CLBA1: variants seen among roughly 807,000 people sequenced by gnomAD.
CLBA1 encodes clathrin binding box of aftiphilin containing 1, also known as uncharacterized protein CLBA1.
Under a neutral mutation model 28.8 loss-of-function variants are expected in CLBA1, and 30 were observed. The observed-to-expected ratio is 1.04, with a 90% confidence interval of 0.78 to 1.41. The LOEUF is 1.41. CLBA1 is among the 40% of genes most tolerant of loss of function. The pLI, the probability that CLBA1 is intolerant of heterozygous loss-of-function variation, is 0.00. For synonymous variants in CLBA1, 160 were observed against 152.8 expected, an observed-to-expected ratio of 1.05 and a Z score of -0.35; for missense variants, 451 against 412.3, an observed-to-expected ratio of 1.09 and a Z score of -0.81.
chr14:104,986,651 C>T lies in CLBA1; in HGVS notation c.220C>T (p.His74Tyr), dbSNP rs768010787. The change falls in exon 1 of 5, where the codon CAC (histidine) becomes TAC (tyrosine). Residue 74 changes from histidine to tyrosine, a missense_variant. Transcript: ENST00000547315. Reference sequence around the variant, plus strand: ...TGCCCGATGTCCTGACCCTGGGGAACACAGCAGCACTTGGGGGGAGTTTGA... The same window carrying T: ...TGCCCGATGTCCTGACCCTGGGGAATACAGCAGCACTTGGGGGGAGTTTGA... Reference protein sequence around the residue: ...CTARCPDPGEHSSTWGEFEGF... With the variant: ...CTARCPDPGEYSSTWGEFEGF... 4.3e-6 allele frequency: 7 copies of T among 1,614,150 alleles called. No homozygotes were observed. The highest frequency in any genetic ancestry group is 5.9e-6 in the Non-Finnish European group (7 of 1,180,024).
At chr14:104,989,915 G>A (rs866730007) in intron 2 of CLBA1, 16 of 350,256 alleles carry the variant, frequency 4.6e-5, no homozygotes, top group Non-Finnish European at 6.9e-5. Context: ...CTGGCCCACC[G>A]TGTCCTCTGC....
At chr14:104,994,396 A>C in intron 4 of CLBA1, 1 of 985,482 alleles carries the variant, frequency 1.0e-6, no homozygotes, top group Non-Finnish European at 1.2e-6. Flanking sequence ...CCAGAGCCAC[A>C]GACTGCACCA....
downstream of CLBA1, among the ~76,000 whole-genome samples, chr14:104,998,709 G>A (rs1566935165): frequency 2.0e-5 from 3 of 152,238 alleles, no homozygotes; most frequent in Admixed American, 6.5e-5. Context: ...AGGCTGAGAC[G>A]CAGGCCTTTC....
intron 2 of CLBA1, chr14:104,989,687 G>A (rs924848644): frequency 4.2e-5 from 19 of 456,038 alleles, no homozygotes; most frequent in African/African-American, 2.6e-4. Flanking sequence ...GGATTAGGCC[G>A]CAGTGGTTGA....
chr14:104,993,657 T>C (rs1900098253), intron 4 of CLBA1: 7 of 985,340 alleles, frequency 7.1e-6, no homozygotes, highest in Non-Finnish European at 8.4e-6. Context: ...AAGAAAAGCT[T>C]TTCTGGGCTG....
At chr14:104,989,742 A>G (rs914874550) in intron 2 of CLBA1, 11 of 453,338 alleles carry the variant, frequency 2.4e-5, no homozygotes, top group Non-Finnish European at 4.5e-5. Flanking sequence ...GGAGGAGGGA[A>G]GTGAAGGTTG....
chr14:104,989,247 C>T (rs1193296198), intron 2 of CLBA1, 159 bp downstream of exon 2: 2 of 674,414 alleles, frequency 3.0e-6, no homozygotes, highest in Non-Finnish European at 2.5e-6. Context: ...GAAGGGGCAG[C>T]ACGATTGGCG....
chr14:104,995,477 G>A lies in CLBA1; in HGVS notation c.*718G>A. 3 of 985,446 alleles carry A rather than the reference G, an allele frequency of 3.0e-6. No individual in the cohort carries two copies. The highest frequency in any genetic ancestry group is 2.4e-6 in the Non-Finnish European group (2 of 829,924). The allele number at this position is 985,446 out of a possible 1,614,324, so 61.0% of individuals were successfully genotyped here. A position where few individuals can be genotyped will look rare whatever the true frequency, so the allele number is the denominator to read the frequency against. On this transcript the variant is annotated 3_prime_UTR_variant, in exon 5 of 5. Transcript: ENST00000547315. ...AGGGCAGAGCCAAGAAGTCAGCCCT[G>A]ACTTTTGTAAAATTTTACTAAATAA...
At chr14:104,999,528 T>G (rs1372146733), downstream of CLBA1, 3 of 152,262 alleles carry the variant, frequency 2.0e-5, no homozygotes, top group African/African-American at 7.2e-5. Flanking sequence ...GTGGGGTGCA[T>G]CCAGCTGCAG....
intron 4 of CLBA1, 183 bp downstream of exon 4, chr14:104,993,247 G>T (rs917911686): frequency 2.0e-6 from 2 of 985,446 alleles, no homozygotes; most frequent in Non-Finnish European, 2.4e-6. Flanking sequence ...ACCACTGCAG[G>T]GTGCCAAGGA....
chr14:104,993,006 G>C lies in CLBA1; in HGVS notation c.758G>C (p.Gly253Ala), dbSNP rs781335167. 2 of 1,614,136 alleles carry C rather than the reference G, an allele frequency of 1.2e-6. No homozygotes were observed. Among genetic ancestry groups the C allele is most frequent in the Non-Finnish European group, 8.5e-7 (1 of 1,180,034 alleles). ...MEDCDLKEPE[G>A]LLTVSSFCLQ... ...GATTGTGACCTCAAAGAGCCTGAAG[G>C]ACTCCTCACTGTCAGCAGCTTCTGT... Residue 253 changes from glycine to alanine, a missense_variant, in exon 4 of 5, where the codon GGA becomes GCA. Transcript: ENST00000547315.
At chr14:104,992,461 T>C (rs1321298692) in intron 3 of CLBA1, among the ~76,000 whole-genome samples, 1 of 152,220 alleles carries the variant, frequency 6.6e-6, no homozygotes, top group Non-Finnish European at 1.5e-5. Flanking sequence ...TTGGCCCTGG[T>C]GAAGACAGGG....
chr14:104,987,606 CTTTTTTTTTTT>C (rs869117577), intron 1 of CLBA1, among the ~76,000 whole-genome samples: 15 of 60,008 alleles, frequency 2.5e-4, no homozygotes, highest in East Asian at 1.5e-3. Context: ...TCTTCCTTTT[CTTTTTTTTTTT>C]TTTTTTTTTT....
downstream of CLBA1, among the ~76,000 whole-genome samples, chr14:104,997,963 C>G (rs1595447062): frequency 6.6e-6 from 1 of 152,010 alleles, no homozygotes; most frequent in African/African-American, 2.4e-5. Context: ...GAGCCGAGAT[C>G]ACGCCATTGC....
downstream of CLBA1, among the ~76,000 whole-genome samples, chr14:104,995,900 T>C (rs775366832): frequency 4.6e-5 from 7 of 152,234 alleles, no homozygotes; most frequent in Non-Finnish European, 1.0e-4. Context: ...AGTGGGAATT[T>C]AGAGACTGTT....
Position 104,989,094 on chromosome 14 carries a change from G to C in CLBA1, c.569+6G>C. 1 of 1,600,656 alleles carries C rather than the reference G, an allele frequency of 6.2e-7. No homozygotes were observed. Among genetic ancestry groups the C allele is most frequent in the Admixed American group, 1.7e-5 (1 of 57,238 alleles). On this transcript the variant is annotated splice_donor_region_variant and intron_variant, in intron 2 of 4. Coordinates refer to ENST00000547315, the MANE Select transcript of CLBA1 (RefSeq NM_174891.4). ...GAACGTGTACATAAATTGTGGTAAT[G>C]AACTGAAGAAATATTTCTTACAGCA...
At chr14:104,994,177 GCTGTGTTGT>G (rs1264690063) in intron 4 of CLBA1, 1 of 985,308 alleles carries the variant, frequency 1.0e-6, no homozygotes, top group Non-Finnish European at 1.2e-6. Context: ...AATGTTCGTG[GCTGTGTTGT>G]TCACAGCAGC....
chr14:104,985,941 C>T lies in CLBA1; in HGVS notation c.-491C>T, dbSNP rs1899841624. 1.0e-5 allele frequency: 2 copies of T among 191,958 alleles called. No individual in the cohort carries two copies. Among genetic ancestry groups the T allele is most frequent in the Non-Finnish European group, 2.1e-5 (2 of 94,734 alleles). 11.9% of individuals were successfully genotyped at this position (191,958 alleles called of 1,614,324 possible). Reference sequence around the variant, plus strand: ...CTTAGCCGGCCACCTCGGGCCCTGTCCAGGCCCAGGCGTTCCAGGGCTGCT... The same window carrying T: ...CTTAGCCGGCCACCTCGGGCCCTGTTCAGGCCCAGGCGTTCCAGGGCTGCT... On this transcript the variant is annotated 5_prime_UTR_variant, in exon 1 of 5. Coordinates refer to ENST00000547315, the MANE Select transcript of CLBA1 (RefSeq NM_174891.4).
intron 4 of CLBA1, chr14:104,994,209 C>T (rs1024641996): frequency 7.1e-6 from 7 of 985,406 alleles, no homozygotes; most frequent in Non-Finnish European, 6.0e-6. Context: ...GTGGGGGAGA[C>T]GTCCAGCCGC....
Sources: gnomAD v4.1 joint callset for allele counts (sites outside exome capture counted in the v4.1 genomes callset) on GRCh38, gnomAD v4.1.1 for gene constraint, MANE v1.5 for transcripts, NCBI Gene and HGNC (gene_info 2026-07-23, HGNC 2026-07-21) for gene names.